Variants in SORCS2 observed in about 807,000 individuals in gnomAD.
SORCS2 encodes the protein VPS10 domain-containing receptor SorCS2.
Under a neutral mutation model 141.6 loss-of-function variants are expected in SORCS2, and 100 were observed. The ratio of observed to expected loss-of-function variants is 0.71; its 90% CI spans 0.60 to 0.83. The LOEUF is 0.83. Among genes scored for constraint, SORCS2 ranks in the 40% least tolerant of loss-of-function variants. The probability of loss-of-function intolerance (pLI) is 0.00; values close to 1 mark genes in which losing one functional copy is unlikely to be tolerated. For synonymous variants in SORCS2, 789 were observed against 676.9 expected (o/e 1.17, Z -2.57); for missense variants, 1,646 against 1,560.2 (o/e 1.05, Z -0.93).
chr4:7,481,878 A>C (rs1449385319), intron 2 of SORCS2, among the ~76,000 whole-genome samples: 1 of 152,046 alleles, frequency 6.6e-6, no homozygotes, highest in Non-Finnish European at 1.5e-5. Context: ...CTCCCCGCTC[A>C]TCCACCTGAC....
intron 1 of SORCS2, among the ~76,000 whole-genome samples, chr4:7,370,426 C>G (rs944568905): frequency 6.6e-6 from 1 of 152,218 alleles, no homozygotes; most frequent in East Asian, 1.9e-4. Context: ...CAGAGGACAG[C>G]CTGGTCCATC....
intron 3 of SORCS2, among the ~76,000 whole-genome samples, chr4:7,586,000 C>T (rs1385683470): frequency 6.6e-6 from 1 of 152,202 alleles, no homozygotes; most frequent in Non-Finnish European, 1.5e-5. Flanking sequence ...TAAATATTTT[C>T]ACTGGGATGG....
intron 2 of SORCS2, among the ~76,000 whole-genome samples, chr4:7,499,336 G>A (rs1731821868): frequency 6.6e-6 from 1 of 152,172 alleles, no homozygotes; most frequent in Admixed American, 6.5e-5. Flanking sequence ...GTGTGATGCT[G>A]GAGGCCATGG....
At chr4:7,427,982 C>A (rs1385616518) in intron 2 of SORCS2, among the ~76,000 whole-genome samples, 2 of 152,092 alleles carry the variant, frequency 1.3e-5, no homozygotes, top group Non-Finnish European at 2.9e-5. Flanking sequence ...AGCCAGAGGG[C>A]AGGAACAGGT....
intron 5 of SORCS2, among the ~76,000 whole-genome samples, chr4:7,657,870 GTGAGTCACTGAGTGAA>G (rs1721896161): frequency 6.6e-6 from 1 of 152,000 alleles, no homozygotes; most frequent in South Asian, 2.1e-4. Flanking sequence ...GAATGAGTGA[GTGAGTCACTGAGTGAA>G]TGAGTGAGTG....
intron 3 of SORCS2, among the ~76,000 whole-genome samples, chr4:7,579,713 T>C (rs1246569896): frequency 6.6e-6 from 1 of 152,174 alleles, no homozygotes; most frequent in Non-Finnish European, 1.5e-5. Context: ...GTGTGAAGCA[T>C]TCAGTGTGCA....
chr4:7,195,476 C>G (rs186772369), intron 1 of SORCS2, among the ~76,000 whole-genome samples: 34 of 152,280 alleles, frequency 2.2e-4, no homozygotes, highest in Admixed American at 1.2e-3. Context: ...ACTCCTGCCT[C>G]TCTCACACAC....
chr4:7,709,470 A>G (rs1459097524), intron 14 of SORCS2, among the ~76,000 whole-genome samples: 1 of 152,242 alleles, frequency 6.6e-6, no homozygotes, highest in Non-Finnish European at 1.5e-5. Flanking sequence ...GCCAGGTGCT[A>G]TAACCTTTTA....
At chr4:7,528,031 GTCTC>G (rs1321789701) in intron 2 of SORCS2, among the ~76,000 whole-genome samples, 24 of 150,858 alleles carry the variant, frequency 1.6e-4, no homozygotes, top group Admixed American at 1.5e-3. Context: ...CTCTGTCTCT[GTCTC>G]TCTCTCTGTC....
intron 2 of SORCS2, among the ~76,000 whole-genome samples, chr4:7,508,776 C>A (rs1177030040): frequency 3.3e-5 from 5 of 152,198 alleles, no homozygotes; most frequent in African/African-American, 1.2e-4. Flanking sequence ...TAGCACGCAT[C>A]AGTGCTCAGA....
chr4:7,314,558 C>T (rs557103357), intron 1 of SORCS2, among the ~76,000 whole-genome samples: 1 of 152,214 alleles, frequency 6.6e-6, no homozygotes, highest in South Asian at 2.1e-4. Flanking sequence ...CCAGGATGTT[C>T]TCCATCTCCT....
intron 1 of SORCS2, among the ~76,000 whole-genome samples, chr4:7,231,458 C>A (rs1369567078): frequency 1.3e-5 from 2 of 152,234 alleles, no homozygotes; most frequent in African/African-American, 4.8e-5. Context: ...AATTAACCAT[C>A]ACACCTGGTA....
intron 2 of SORCS2, among the ~76,000 whole-genome samples, chr4:7,418,713 C>CCA (rs1553859437): frequency 5.9e-5 from 3 of 50,614 alleles, no homozygotes; most frequent in East Asian, 4.6e-4. Flanking sequence ...CCCCCCCCCC[C>CCA]ACCAGATTTG....
At chr4:7,417,879 G>A (rs1274428643) in intron 2 of SORCS2, among the ~76,000 whole-genome samples, 1 of 152,210 alleles carries the variant, frequency 6.6e-6, no homozygotes, top group East Asian at 1.9e-4. Context: ...AGGGTGAGGG[G>A]GAGCAGCCCC....
At chr4:7,434,207 T>C in intron 2 of SORCS2, 1 of 1,613,760 alleles carries the variant, frequency 6.2e-7, no homozygotes, top group Admixed American at 1.7e-5. Flanking sequence ...AGGTAGTTCT[T>C]GCAGAGGACG....
rs532393481 is a variant in SORCS2 at position 7,607,059 on chromosome 4, C to T, written c.649-31269C>T. Among the ~76,000 whole-genome samples, 21 of 152,252 alleles carry T rather than the reference C, an allele frequency of 1.4e-4. 2 individuals carry two copies. In the South Asian group the frequency reaches 2.9e-3, roughly 21 times the overall value. On this transcript the variant is annotated intron_variant, in intron 3 of 26. Coordinates refer to ENST00000507866, the MANE Select transcript of SORCS2 (RefSeq NM_020777.3). ...CTTCAGCTCAGAGGCAGAAAGCCCC[C>T]GTCAATTTTTCTGCCATCTCTTTGC...
chr4:7,339,182 C>A (rs536937159), intron 1 of SORCS2, among the ~76,000 whole-genome samples: 1 of 152,336 alleles, frequency 6.6e-6, no homozygotes, highest in South Asian at 2.1e-4. Context: ...TGGAGCGCTG[C>A]CCTTTTTCTC....
intron 1 of SORCS2, among the ~76,000 whole-genome samples, chr4:7,319,583 G>T (rs1039868188): frequency 1.3e-5 from 2 of 152,000 alleles, no homozygotes; most frequent in Non-Finnish European, 2.9e-5. Flanking sequence ...GCATAGTGGT[G>T]CATGCTTGTG....
intron 1 of SORCS2, among the ~76,000 whole-genome samples, chr4:7,227,459 C>T (rs1729056386): frequency 6.6e-6 from 1 of 152,228 alleles, no homozygotes; most frequent in African/African-American, 2.4e-5. Flanking sequence ...TCATCACGTC[C>T]TCCACAGCCT....
Sources: allele counts gnomAD v4.1 joint callset (sites outside exome capture counted in the v4.1 genomes callset), GRCh38; gene constraint gnomAD v4.1.1; transcripts MANE v1.5; gene names NCBI Gene and HGNC (gene_info 2026-07-23, HGNC 2026-07-21).